The following PPARGC1A variants were observed in gnomAD, a reference collection of about 807,000 sequenced individuals.
PPARGC1A encodes peroxisome proliferator-activated receptor gamma coactivator 1-alpha.
Under a neutral mutation model 88.7 loss-of-function variants are expected in PPARGC1A, and 25 were observed. The observed-to-expected ratio is 0.28, with a 90% CI of 0.21 to 0.39. The LOEUF (loss-of-function observed/expected upper bound fraction) is 0.39. Among genes scored for constraint, PPARGC1A ranks in the 10% least tolerant of loss-of-function variants. The pLI is 1.00. For synonymous variants in PPARGC1A, 363 were observed against 355.6 expected (o/e 1.02, Z -0.24); for missense variants, 880 against 968.7 (o/e 0.91, Z 1.22).
At chr4:24,028,538 A>C in the PPARGC1A span, among the ~76,000 whole-genome samples, 2 of 152,190 alleles carry the variant, frequency 1.3e-5, no homozygotes, top group Non-Finnish European at 2.9e-5. Flanking sequence ...GGTCCAGCCC[A>C]CTTTATGCCC....
At chr4:24,110,297 A>G in the PPARGC1A span, among the ~76,000 whole-genome samples, 2 of 152,236 alleles carry the variant, frequency 1.3e-5, no homozygotes, top group East Asian at 3.8e-4. Context: ...TAAGAGCTCA[A>G]TAAGCTATGC....
the PPARGC1A span, among the ~76,000 whole-genome samples, chr4:24,034,819 A>C: frequency 6.6e-6 from 1 of 152,224 alleles, no homozygotes. Context: ...CCTTTGATCC[A>C]AGAGTGATGC....
the PPARGC1A span, among the ~76,000 whole-genome samples, chr4:24,196,164 A>T: frequency 6.6e-6 from 1 of 152,222 alleles, no homozygotes; most frequent in Non-Finnish European, 1.5e-5. Context: ...ATGGTGTACT[A>T]GTGTAGGATG....
chr4:24,433,914 C>T, the PPARGC1A span, among the ~76,000 whole-genome samples: 2,007 of 152,246 alleles, frequency 0.013, 50 homozygotes, highest in African/African-American at 0.044. Context: ...CCTTTATTAA[C>T]AAAAGGACAC....
chr4:24,462,352 C>T, the PPARGC1A span, among the ~76,000 whole-genome samples: 13 of 151,916 alleles, frequency 8.6e-5, no homozygotes, highest in Non-Finnish European at 1.8e-4. Context: ...CCACCTCAGC[C>T]TCCCAAAGTG....
At chr4:24,108,579 G>A in the PPARGC1A span, among the ~76,000 whole-genome samples, 7 of 152,214 alleles carry the variant, frequency 4.6e-5, no homozygotes, top group African/African-American at 9.6e-5. Flanking sequence ...CATGGACCAC[G>A]CATTGAATTC....
chr4:24,387,916 AAGAAAGAAAG>A, the PPARGC1A span, among the ~76,000 whole-genome samples: 2,470 of 19,866 alleles, frequency 0.12, 122 homozygotes, highest in East Asian at 0.25. Flanking sequence ...GAAAGAAAGA[AAGAAAGAAAG>A]AAAGAAAGAG....
chr4:24,252,689 C>T, the PPARGC1A span, among the ~76,000 whole-genome samples: 1 of 152,198 alleles, frequency 6.6e-6, no homozygotes, highest in Non-Finnish European at 1.5e-5. Flanking sequence ...CCCATCTCCA[C>T]CCCCTGTGAT....
the PPARGC1A span, among the ~76,000 whole-genome samples, chr4:24,299,036 C>A: frequency 3.9e-5 from 6 of 152,076 alleles, no homozygotes; most frequent in Non-Finnish European, 5.9e-5. Context: ...AGTACAGAAT[C>A]GCATCGACTA....
At chr4:24,407,215 G>A in the PPARGC1A span, among the ~76,000 whole-genome samples, 2 of 152,278 alleles carry the variant, frequency 1.3e-5, no homozygotes, top group East Asian at 1.9e-4. Flanking sequence ...AAAGACAGCT[G>A]CATCCATTTT....
chr4:23,858,160 C>T (rs577613029), intron 2 of PPARGC1A, among the ~76,000 whole-genome samples: 1 of 152,164 alleles, frequency 6.6e-6, no homozygotes, highest in African/African-American at 2.4e-5. Flanking sequence ...AGTTTGTAGA[C>T]TTTGTCTTAA....
chr4:24,128,448 C>T, the PPARGC1A span, among the ~76,000 whole-genome samples: 1 of 151,694 alleles, frequency 6.6e-6, no homozygotes, highest in Non-Finnish European at 1.5e-5. Context: ...TGCTTCCAAT[C>T]CTGAGAAGTT....
the PPARGC1A span, among the ~76,000 whole-genome samples, chr4:24,423,817 A>C: frequency 6.6e-6 from 1 of 152,212 alleles, no homozygotes; most frequent in African/African-American, 2.4e-5. Context: ...GACCAGGGAA[A>C]AGTCAAACAC....
the PPARGC1A span, among the ~76,000 whole-genome samples, chr4:24,113,654 T>G: frequency 6.6e-6 from 1 of 152,046 alleles, no homozygotes; most frequent in African/African-American, 2.4e-5. Context: ...CCTGCAGAGT[T>G]TGGGAGAGGA....
the PPARGC1A span, among the ~76,000 whole-genome samples, chr4:24,002,097 C>CACACACAGAGAGAGAGAG: frequency 1.6e-5 from 2 of 125,324 alleles, no homozygotes; most frequent in African/African-American, 6.5e-5. Flanking sequence ...CACACACACA[C>CACACACAGAGAGAGAGAG]AGAGAGAGAG....
At chr4:24,362,776 AG>A in the PPARGC1A span, among the ~76,000 whole-genome samples, 1 of 152,180 alleles carries the variant, frequency 6.6e-6, no homozygotes, top group African/African-American at 2.4e-5. Flanking sequence ...ATCCCGGTTA[AG>A]CACCACCACT....
chr4:24,269,537 C>A, the PPARGC1A span, among the ~76,000 whole-genome samples: 3 of 152,152 alleles, frequency 2.0e-5, no homozygotes, highest in Non-Finnish European at 4.4e-5. Context: ...GAGAACCTCT[C>A]CACATCTCAG....
At chr4:23,960,978 G>C in the PPARGC1A span, among the ~76,000 whole-genome samples, 1 of 152,098 alleles carries the variant, frequency 6.6e-6, no homozygotes, top group East Asian at 1.9e-4. Flanking sequence ...CATTAATTAT[G>C]TTTCTATGTT....
At chr4:24,381,151 G>C in the PPARGC1A span, among the ~76,000 whole-genome samples, 4 of 152,152 alleles carry the variant, frequency 2.6e-5, no homozygotes, top group African/African-American at 9.7e-5. Flanking sequence ...GAGGAGCAGA[G>C]GCTTTCAAGA....
Sources: allele counts gnomAD v4.1 joint callset (sites outside exome capture counted in the v4.1 genomes callset), GRCh38; gene constraint gnomAD v4.1.1; transcripts MANE v1.5; gene names NCBI Gene and HGNC (gene_info 2026-07-23, HGNC 2026-07-21).